Variants in ENO4 observed in about 807,000 individuals in gnomAD.
The protein encoded by ENO4 is 2-phospho-D-glycerate hydro-lyase.
In ENO4, 53 loss-of-function variants were observed where a neutral mutation model predicts 63.2. The ratio of observed to expected loss-of-function variants is 0.84; its 90% CI spans 0.67 to 1.05. ENO4 has a LOEUF of 1.05. Among genes scored for constraint, ENO4 ranks in the 50% least tolerant of loss-of-function variants. The pLI is 0.00. For synonymous variants in ENO4, 266 were observed against 283.8 expected (o/e 0.94, Z 0.63); for missense variants, 719 against 772.0 (o/e 0.93, Z 0.81).
At chr10:116,897,013 G>T (rs983083980) in intron 10 of ENO4, among the ~76,000 whole-genome samples, 5 of 152,036 alleles carry the variant, frequency 3.3e-5, no homozygotes, top group African/African-American at 1.2e-4. Context: ...TGCCATGTTG[G>T]CCCGGCTGGT....
chr10:116,889,773 C>A (rs1290169517), intron 10 of ENO4, among the ~76,000 whole-genome samples: 1 of 152,218 alleles, frequency 6.6e-6, no homozygotes, highest in African/African-American at 2.4e-5. Context: ...TTCATTCTTT[C>A]CGAATCCGTT....
chr10:116,867,737 G>C (rs1284852211), intron 7 of ENO4, among the ~76,000 whole-genome samples: 2 of 152,156 alleles, frequency 1.3e-5, no homozygotes, highest in Non-Finnish European at 2.9e-5. Flanking sequence ...AGGTGCAAAA[G>C]GGGAGAAAAA....
chr10:116,856,533 T>C lies in ENO4; in HGVS notation c.336T>C (p.His112=). The C allele has an allele frequency of 1.3e-6, 2 of 1,535,788 alleles. No individual in the cohort carries two copies. The highest frequency in any genetic ancestry group is 8.7e-7 in the Non-Finnish European group (1 of 1,146,838). The change falls in exon 3 of 14, where the codon CAT becomes CAC. Residue 112 remains histidine, a synonymous_variant. Transcript: ENST00000341276. ...TGATCTCGACTCATTTTGAAGTCCA[T>C]GAGAATGCTCTGCCCGAGCTGGCCA... is the stretch of plus-strand genomic sequence containing the variant. The part of the protein sequence containing the change: ...SVVISTHFEV[H]ENALPELAKA...
At chr10:116,871,663 T>G (rs1846698320) in intron 9 of ENO4, among the ~76,000 whole-genome samples, 1 of 152,246 alleles carries the variant, frequency 6.6e-6, no homozygotes, top group South Asian at 2.1e-4. Context: ...ACTTATGATG[T>G]GATAGGCGCT....
At chr10:116,907,405 A>G (rs1248272955) in intron 10 of ENO4, among the ~76,000 whole-genome samples, 1 of 152,196 alleles carries the variant, frequency 6.6e-6, no homozygotes, top group Non-Finnish European at 1.5e-5. Flanking sequence ...TGTATTATTC[A>G]GGGCCCAGAA....
At chr10:116,884,020 T>G, downstream of ENO4, 1 of 224,724 alleles carries the variant, frequency 4.4e-6, no homozygotes, top group Non-Finnish European at 9.3e-6. Context: ...CATTCGTTTT[T>G]CTTAAAGAAA....
intron 7 of ENO4, 133 bp downstream of exon 7, chr10:116,862,985 C>T (rs1278962236): frequency 3.0e-6 from 2 of 675,208 alleles, no homozygotes; most frequent in African/African-American, 3.6e-5. Context: ...GGGTTTCCCC[C>T]AAGAACCAAG....
intron 10 of ENO4, chr10:116,906,596 G>C: frequency 6.3e-7 from 1 of 1,582,046 alleles, no homozygotes; most frequent in Non-Finnish European, 8.6e-7. Context: ...GAGATGAAGA[G>C]AAGGACTGTG....
intron 10 of ENO4, chr10:116,911,372 T>A: frequency 1.6e-6 from 2 of 1,270,060 alleles, no homozygotes; most frequent in African/African-American, 3.0e-5. Context: ...GACCCTGATA[T>A]GAAGCTATTT....
At chr10:116,854,944 A>T (rs1183944238) in intron 1 of ENO4, among the ~76,000 whole-genome samples, 1 of 144,850 alleles carries the variant, frequency 6.9e-6, no homozygotes, top group Admixed American at 6.8e-5. Context: ...CTGTCTCAAA[A>T]AAAAAAAAAA....
intron 9 of ENO4, among the ~76,000 whole-genome samples, chr10:116,872,647 T>C (rs1226366916): frequency 2.0e-5 from 3 of 152,218 alleles, no homozygotes; most frequent in African/African-American, 7.2e-5. Flanking sequence ...AGGTATGTCT[T>C]TATTAGCAGC....
chr10:116,894,621 G>C (rs537996124), intron 10 of ENO4, among the ~76,000 whole-genome samples: 1 of 152,260 alleles, frequency 6.6e-6, no homozygotes, highest in African/African-American at 2.4e-5. Context: ...CTGTTGAAAT[G>C]GAACAGGAGT....
chr10:116,858,457 T>C (rs1054371749), intron 3 of ENO4, among the ~76,000 whole-genome samples: 3 of 143,764 alleles, frequency 2.1e-5, no homozygotes, highest in African/African-American at 7.6e-5. Flanking sequence ...TGTTTTTTAT[T>C]TGCCTGGTTT....
At chr10:116,901,021 A>C (rs1256913607) in intron 10 of ENO4, 1 of 985,316 alleles carries the variant, frequency 1.0e-6, no homozygotes, top group Non-Finnish European at 1.2e-6. Context: ...TCTTGATAGG[A>C]CAGGAAATCA....
At chr10:116,898,332 A>G (rs1220185815) in intron 10 of ENO4, among the ~76,000 whole-genome samples, 3 of 152,102 alleles carry the variant, frequency 2.0e-5, no homozygotes. Flanking sequence ...TCTAAAAAAA[A>G]AAAAAAATTC....
Position 116,855,691 on chromosome 10 carries a change from T to C in ENO4, c.234T>C (p.Asp78=), listed in dbSNP as rs776779249. 3.1e-5 allele frequency: 47 copies of C among 1,536,538 alleles called. No individual in the cohort carries two copies. The South Asian group carries it at 5.4e-4, about 18-fold the overall frequency. The part of the protein sequence containing the change: ...ICKIVGKDVL[D]GLGLPTLQVD... ...AAATAGTGGGGAAAGACGTACTAGATGGACTGGGGCTTCCAACCCTGCAAG... is the reference window on the plus strand; with the variant it reads ...AAATAGTGGGGAAAGACGTACTAGACGGACTGGGGCTTCCAACCCTGCAAG... Residue 78 remains aspartate (D), a synonymous_variant, in exon 2 of 14, where the codon GAT becomes GAC. Coordinates refer to ENST00000341276, the MANE Select transcript of ENO4 (RefSeq NM_001242699.2).
At chr10:116,871,085 G>A (rs1272867997) in intron 8 of ENO4, 40 bp from the exon 9 acceptor site, 3 of 1,536,870 alleles carry the variant, frequency 2.0e-6, no homozygotes, top group Non-Finnish European at 2.6e-6. Context: ...GAACCTTAAT[G>A]TGCTGTATTG....
chr10:116,886,064 T>C (rs996081501), downstream of ENO4: 3 of 410,058 alleles, frequency 7.3e-6, no homozygotes, highest in African/African-American at 6.0e-5. Context: ...ATCTGAATTT[T>C]TTTGTAACCT....
chr10:116,868,217 A>G (rs748677803), intron 7 of ENO4, among the ~76,000 whole-genome samples: 17 of 152,310 alleles, frequency 1.1e-4, no homozygotes, highest in Non-Finnish European at 1.8e-4. Context: ...ATTCAAAACA[A>G]TATGTTGGGC....
Sources: allele counts gnomAD v4.1 joint callset (sites outside exome capture counted in the v4.1 genomes callset), GRCh38; gene constraint gnomAD v4.1.1; transcripts MANE v1.5; gene names NCBI Gene and HGNC (gene_info 2026-07-23, HGNC 2026-07-21).